The following ARHGAP24 variants were observed in gnomAD, a reference collection of about 807,000 sequenced individuals.
ARHGAP24 encodes the protein rho GTPase-activating protein 24.
Under a neutral mutation model 76.4 loss-of-function variants are expected in ARHGAP24, and 50 were observed. The ratio of observed to expected loss-of-function variants is 0.65; its 90% CI spans 0.52 to 0.83. ARHGAP24 has a LOEUF of 0.83. Among genes scored for constraint, ARHGAP24 ranks in the 40% least tolerant of loss-of-function variants. The pLI is 0.00. For missense variants in ARHGAP24, 930 were observed against 914.2 expected (o/e 1.02, Z -0.22); for synonymous variants, 345 against 323.3 (o/e 1.07, Z -0.72).
At chr4:85,528,796 TAAC>T (rs1321047869) in intron 1 of ARHGAP24, among the ~76,000 whole-genome samples, 1 of 152,132 alleles carries the variant, frequency 6.6e-6, no homozygotes, top group Admixed American at 6.6e-5. Flanking sequence ...GCATAGGCAG[TAAC>T]AAAGAACTAC....
At chr4:85,666,564 A>G (rs901668726) in intron 2 of ARHGAP24, among the ~76,000 whole-genome samples, 8 of 152,056 alleles carry the variant, frequency 5.3e-5, no homozygotes, top group African/African-American at 1.7e-4. Context: ...GGAGGAGGAG[A>G]GGCACTCTGC....
chr4:85,937,028 A>G (rs970975273), intron 4 of ARHGAP24, among the ~76,000 whole-genome samples: 1 of 152,182 alleles, frequency 6.6e-6, no homozygotes, highest in Admixed American at 6.5e-5. Context: ...ATAAAAAGGA[A>G]TGTGGTTGCA....
chr4:85,735,335 A>C (rs575542841), intron 3 of ARHGAP24, among the ~76,000 whole-genome samples: 3 of 152,288 alleles, frequency 2.0e-5, no homozygotes, highest in African/African-American at 7.2e-5. Flanking sequence ...TTCTTTTTGC[A>C]ACAAAACTAT....
chr4:85,772,175 C>G (rs1267467005), intron 3 of ARHGAP24, among the ~76,000 whole-genome samples: 1 of 152,186 alleles, frequency 6.6e-6, no homozygotes, highest in African/African-American at 2.4e-5. Flanking sequence ...CCCGTGACCT[C>G]GTTCTTGATA....
intron 2 of ARHGAP24, among the ~76,000 whole-genome samples, chr4:85,612,737 G>T (rs1200969126): frequency 2.8e-5 from 4 of 140,598 alleles, no homozygotes; most frequent in Non-Finnish European, 6.1e-5. Flanking sequence ...TTTTTGTAAA[G>T]AAAGAAAATG....
intron 1 of ARHGAP24, among the ~76,000 whole-genome samples, chr4:85,564,924 G>GTATATGTATATA (rs1726765912): frequency 1.9e-5 from 1 of 53,218 alleles, no homozygotes; most frequent in Non-Finnish European, 4.1e-5. Context: ...AACACACACG[G>GTATATGTATATA]TATATATATA....
In ARHGAP24 at chr4:85,942,178, G is replaced by A. The variant is rs778642773; in HGVS notation, c.504G>A (p.Leu168=). The part of the protein sequence containing the change: ...QCVDFIRQRG[L]KEEGLFRLPG... ...TGGACTTTATCCGACAAAGGGGGCT[G>A]AAAGAAGAGGGTCTCTTTCGACTGC... Residue 168 remains leucine (L), a synonymous_variant, in exon 5 of 10, where the codon CTG becomes CTA. Transcript: ENST00000395184. 6.2e-7 allele frequency: 1 copy of A among 1,614,118 alleles called. No homozygotes were observed. The highest frequency in any genetic ancestry group is 8.5e-7 in the Non-Finnish European group (1 of 1,180,020).
At chr4:85,802,841 G>T (rs1728636669) in intron 3 of ARHGAP24, among the ~76,000 whole-genome samples, 2 of 152,138 alleles carry the variant, frequency 1.3e-5, no homozygotes, top group Non-Finnish European at 2.9e-5. Context: ...TAAAGGAAAA[G>T]AATTGAGACT....
chr4:85,569,108 G>A (rs1473286405), intron 1 of ARHGAP24, among the ~76,000 whole-genome samples: 1 of 152,162 alleles, frequency 6.6e-6, no homozygotes, highest in Non-Finnish European at 1.5e-5. Context: ...AAGTAGAATT[G>A]TATACATGCA....
chr4:85,655,227 C>T (rs569358349), intron 2 of ARHGAP24, among the ~76,000 whole-genome samples: 1 of 152,078 alleles, frequency 6.6e-6, no homozygotes, highest in South Asian at 2.1e-4. Context: ...TGATAAATGC[C>T]CTTAAAATTA....
chr4:85,487,297 A>G (rs999964702), intron 1 of ARHGAP24, among the ~76,000 whole-genome samples: 1 of 122,436 alleles, frequency 8.2e-6, no homozygotes, highest in African/African-American at 3.2e-5. Context: ...TAGTAAATAT[A>G]TATATTTATT....
At chr4:85,764,972 C>A (rs1455223006) in intron 3 of ARHGAP24, among the ~76,000 whole-genome samples, 1 of 152,026 alleles carries the variant, frequency 6.6e-6, no homozygotes, top group Non-Finnish European at 1.5e-5. Flanking sequence ...GAGATTTTTA[C>A]CTTATCTAGA....
chr4:85,631,029 T>G (rs886094398), intron 2 of ARHGAP24, among the ~76,000 whole-genome samples: 5 of 151,864 alleles, frequency 3.3e-5, no homozygotes, highest in Non-Finnish European at 7.4e-5. Context: ...ACACACATTC[T>G]CTCTCTCACA....
At chr4:85,629,898 T>A (rs1320170093) in intron 2 of ARHGAP24, among the ~76,000 whole-genome samples, 1 of 151,990 alleles carries the variant, frequency 6.6e-6, no homozygotes, top group Non-Finnish European at 1.5e-5. Context: ...AAATTTGGGG[T>A]TTTCTATGTA....
chr4:85,661,950 C>A (rs1722405872), intron 2 of ARHGAP24, among the ~76,000 whole-genome samples: 1 of 152,146 alleles, frequency 6.6e-6, no homozygotes, highest in Non-Finnish European at 1.5e-5. Context: ...CAAGTCTTTG[C>A]TATTGTGAAT....
chr4:85,717,180 A>G (rs925874734), intron 2 of ARHGAP24, among the ~76,000 whole-genome samples: 5 of 152,034 alleles, frequency 3.3e-5, no homozygotes, highest in African/African-American at 1.2e-4. Context: ...CCTAATTCCC[A>G]TTTCTAACAG....
chr4:85,616,116 A>C (rs539647749), intron 2 of ARHGAP24, among the ~76,000 whole-genome samples: 1 of 152,266 alleles, frequency 6.6e-6, no homozygotes, highest in Non-Finnish European at 1.5e-5. Flanking sequence ...GGGAAGAGAA[A>C]CCTTTATGCC....
At chr4:85,748,669 A>G (rs575925569) in intron 3 of ARHGAP24, among the ~76,000 whole-genome samples, 1 of 152,262 alleles carries the variant, frequency 6.6e-6, no homozygotes, top group Non-Finnish European at 1.5e-5. Flanking sequence ...AAAAAGATTT[A>G]CATAAAAATA....
intron 1 of ARHGAP24, among the ~76,000 whole-genome samples, chr4:85,557,826 T>C (rs1726449550): frequency 6.6e-6 from 1 of 152,216 alleles, no homozygotes; most frequent in South Asian, 2.1e-4. Context: ...GACTACATAT[T>C]CTTAGTGATG....
Sources: allele counts gnomAD v4.1 joint callset (sites outside exome capture counted in the v4.1 genomes callset), GRCh38; gene constraint gnomAD v4.1.1; transcripts MANE v1.5; gene names NCBI Gene and HGNC (gene_info 2026-07-23, HGNC 2026-07-21).